C10orf90: variants seen among roughly 807,000 people sequenced by gnomAD.
C10orf90 encodes (E2-independent) E3 ubiquitin-conjugating enzyme FATS.
In C10orf90, 56 loss-of-function variants were observed where a neutral mutation model predicts 62.5. That is an observed-to-expected ratio of 0.90 (90% confidence interval 0.72 to 1.12). The LOEUF is 1.12. Among genes scored for constraint, C10orf90 ranks in the 50% most tolerant of loss-of-function variants. The pLI is 0.00. For missense variants in C10orf90, 970 were observed against 880.4 expected, an observed-to-expected ratio of 1.10 and a Z score of -1.29; for synonymous variants, 386 against 340.4, an observed-to-expected ratio of 1.13 and a Z score of -1.47.
At chr10:126,429,286 T>A (rs1332212741) in intron 8 of C10orf90, among the ~76,000 whole-genome samples, 2 of 152,162 alleles carry the variant, frequency 1.3e-5, no homozygotes, top group Non-Finnish European at 2.9e-5. Context: ...CCGCCAGGTC[T>A]GCTGGAGACA....
At chr10:126,655,131 C>G (rs150411108) in intron 1 of C10orf90, among the ~76,000 whole-genome samples, 10,316 of 152,040 alleles carry the variant, frequency 0.068, 497 homozygotes, top group Non-Finnish European at 0.1. Context: ...CCATCCTGGT[C>G]AACATGGTGA....
intron 2 of C10orf90, among the ~76,000 whole-genome samples, chr10:126,625,278 C>A (rs1188938516): frequency 1.3e-5 from 2 of 152,178 alleles, no homozygotes; most frequent in Non-Finnish European, 2.9e-5. Context: ...AACTGTCCTG[C>A]AAGACACTCA....
At chr10:126,613,197 C>T (rs946305166) in intron 2 of C10orf90, among the ~76,000 whole-genome samples, 2 of 152,092 alleles carry the variant, frequency 1.3e-5, no homozygotes, top group Admixed American at 1.3e-4. Context: ...AAGACCAAAG[C>T]TACAGGTGAC....
intron 2 of C10orf90, among the ~76,000 whole-genome samples, chr10:126,602,472 T>A (rs1391286813): frequency 6.6e-6 from 1 of 152,102 alleles, no homozygotes; most frequent in Non-Finnish European, 1.5e-5. Flanking sequence ...TTGGTATCAA[T>A]CATAACAGGG....
At chr10:126,563,106 C>T (rs1360772632) in intron 2 of C10orf90, among the ~76,000 whole-genome samples, 2 of 152,216 alleles carry the variant, frequency 1.3e-5, no homozygotes, top group Non-Finnish European at 2.9e-5. Context: ...TGCTACAACT[C>T]GGGGCAAAAT....
At chr10:126,642,306 G>T (rs892795526) in intron 2 of C10orf90, among the ~76,000 whole-genome samples, 1 of 152,176 alleles carries the variant, frequency 6.6e-6, no homozygotes, top group Non-Finnish European at 1.5e-5. Context: ...GCCAAGGTGG[G>T]CAGATCACGA....
At chr10:126,643,339 G>A (rs1846102853) in intron 2 of C10orf90, among the ~76,000 whole-genome samples, 1 of 152,216 alleles carries the variant, frequency 6.6e-6, no homozygotes, top group South Asian at 2.1e-4. Context: ...GCATGGGGAT[G>A]ATGAAGAGGG....
intron 2 of C10orf90, among the ~76,000 whole-genome samples, chr10:126,569,542 T>C (rs192038953): frequency 3.3e-5 from 5 of 152,278 alleles, no homozygotes; most frequent in East Asian, 1.9e-4. Context: ...CAGGCCACAG[T>C]TGGGGTATAA....
At chr10:126,557,396 C>T (rs1445622434) in intron 2 of C10orf90, among the ~76,000 whole-genome samples, 5 of 150,334 alleles carry the variant, frequency 3.3e-5, no homozygotes, top group African/African-American at 7.4e-5. Flanking sequence ...AGGAGAATGG[C>T]GTGAACGTGG....
In C10orf90 at chr10:126,503,950, C is replaced by T; in HGVS notation, c.1534+7G>A. On this transcript the variant is annotated splice_region_variant and intron_variant, in intron 4 of 9. Transcript: ENST00000488181. ...GTCACCCTCCTGCAGATGGACGCAC[C>T]ACTCACCTGCCCTGTAACTCCAGCC... 9.4e-6 allele frequency: 15 copies of T among 1,603,712 alleles called. No individual in the cohort carries two copies. The highest frequency in any genetic ancestry group is 1.3e-5 in the Non-Finnish European group (15 of 1,174,960).
In C10orf90 at chr10:126,670,602, T is replaced by C; in HGVS notation, c.-122A>G. 2.7e-6 allele frequency: 1 copy of C among 369,110 alleles called. No homozygotes were observed. The highest frequency in any genetic ancestry group is 5.3e-6 in the Non-Finnish European group (1 of 187,182). The allele number at this position is 369,110 out of a possible 1,614,324, so 22.9% of individuals were successfully genotyped here. On this transcript the variant is annotated 5_prime_UTR_variant, in exon 1 of 10. Coordinates refer to ENST00000488181, the MANE Select transcript of C10orf90 (RefSeq NM_001350921.2). ...GTGCCCCAGCTCGGACCTGTCCCAG[T>C]GTTTTCCAACTCCAGAGCTAGTTGT...
chr10:126,553,049 C>T (rs554890333), intron 2 of C10orf90, among the ~76,000 whole-genome samples: 2 of 152,134 alleles, frequency 1.3e-5, no homozygotes, highest in South Asian at 4.2e-4. Flanking sequence ...TAAGAAAGGT[C>T]AAACCAAAAT....
intron 4 of C10orf90, among the ~76,000 whole-genome samples, chr10:126,468,496 G>A (rs1313597976): frequency 6.6e-6 from 1 of 152,190 alleles, no homozygotes; most frequent in African/African-American, 2.4e-5. Flanking sequence ...GGGGAAGAAA[G>A]TAGCAAGGGA....
At chr10:126,616,265 T>G (rs1845539477) in intron 2 of C10orf90, among the ~76,000 whole-genome samples, 1 of 152,202 alleles carries the variant, frequency 6.6e-6, no homozygotes, top group Admixed American at 6.5e-5. Flanking sequence ...TGTACTACCA[T>G]CTATGCTTCC....
intron 2 of C10orf90, among the ~76,000 whole-genome samples, chr10:126,551,683 G>A (rs538725907): frequency 1.4e-4 from 22 of 152,312 alleles, no homozygotes; most frequent in African/African-American, 4.1e-4. Context: ...ACCACAGGCT[G>A]CATCTGAGGA....
At chr10:126,602,189 C>T (rs765060523) in intron 2 of C10orf90, among the ~76,000 whole-genome samples, 18 of 152,164 alleles carry the variant, frequency 1.2e-4, no homozygotes, top group East Asian at 3.9e-4. Context: ...CATCTCTAAG[C>T]GAGCTATTAT....
intron 4 of C10orf90, among the ~76,000 whole-genome samples, chr10:126,485,568 T>C (rs1379663285): frequency 2.6e-5 from 4 of 152,114 alleles, no homozygotes; most frequent in Admixed American, 2.0e-4. Context: ...GTGGGAAAAA[T>C]AGATTTAGGA....
chr10:126,574,711 C>A (rs1226470500), intron 2 of C10orf90, among the ~76,000 whole-genome samples: 2 of 151,950 alleles, frequency 1.3e-5, no homozygotes, highest in African/African-American at 4.8e-5. Flanking sequence ...AATTAATAAT[C>A]TCCAGTACCC....
At chr10:126,560,234 C>T (rs1427286945) in intron 2 of C10orf90, among the ~76,000 whole-genome samples, 1 of 152,184 alleles carries the variant, frequency 6.6e-6, no homozygotes, top group Non-Finnish European at 1.5e-5. Context: ...GGGTAAGACT[C>T]AGCCTAAGAT....
Sources: allele counts gnomAD v4.1 joint callset (sites outside exome capture counted in the v4.1 genomes callset), GRCh38; gene constraint gnomAD v4.1.1; transcripts MANE v1.5; gene names NCBI Gene and HGNC (gene_info 2026-07-23, HGNC 2026-07-21).